Variants in NTM observed in about 807,000 individuals in gnomAD.
NTM encodes IgLON family member 2.
A neutral mutation model predicts 42.1 loss-of-function variants in NTM; 13 were observed. That is an observed-to-expected ratio of 0.31 (90% confidence interval 0.20 to 0.49). The LOEUF (loss-of-function observed/expected upper bound fraction) is 0.49. Ranked by LOEUF, NTM falls within the 20% of genes least tolerant of loss-of-function variation. The probability of loss-of-function intolerance (pLI) is 0.99; values close to 1 mark genes in which losing one functional copy is unlikely to be tolerated. For missense variants in NTM, 373 were observed against 452.8 expected (o/e 0.82, Z 1.60); for synonymous variants, 187 against 179.2 (o/e 1.04, Z -0.35).
intron 2 of NTM, among the ~76,000 whole-genome samples, chr11:132,020,197 A>G (rs1476187702): frequency 2.0e-5 from 3 of 152,112 alleles, no homozygotes; most frequent in Non-Finnish European, 4.4e-5. Context: ...GTAGTATTCC[A>G]TGGTTTATAT....
intron 4 of NTM, among the ~76,000 whole-genome samples, chr11:132,213,639 A>G (rs2083280165): frequency 6.6e-6 from 1 of 152,044 alleles, no homozygotes; most frequent in African/African-American, 2.4e-5. Flanking sequence ...CTAGACAGTG[A>G]CAGTTGGCCC....
chr11:131,835,172 A>G (rs2043330644), intron 1 of NTM, among the ~76,000 whole-genome samples: 1 of 152,166 alleles, frequency 6.6e-6, no homozygotes, highest in Non-Finnish European at 1.5e-5. Context: ...CCAAGATTTA[A>G]CATATGTATT....
chr11:132,222,240 CTT>C (rs1469134962), intron 4 of NTM, among the ~76,000 whole-genome samples: 1 of 152,176 alleles, frequency 6.6e-6, no homozygotes, highest in Non-Finnish European at 1.5e-5. Context: ...CTGAGTCAAC[CTT>C]TCTCTTTCCT....
At position 131,464,572 on chromosome 11, in the gene NTM, T is replaced by C. The variant is rs561414413; in HGVS notation, c.82+93684T>C. On this transcript the variant is annotated intron_variant, in intron 1 of 8. Transcript: ENST00000683400. ...CTCTTCCTTTTCACTCTCCTTTTCCTTACTGCCCCCTCCCCAACTCCCAAT... is the reference window on the plus strand; with the variant it reads ...CTCTTCCTTTTCACTCTCCTTTTCCCTACTGCCCCCTCCCCAACTCCCAAT... Among the ~76,000 whole-genome samples, 7 of 152,258 alleles carry C rather than the reference T, an allele frequency of 4.6e-5. 1 individual carries two copies. In the South Asian group the frequency reaches 1.5e-3, roughly 32 times the overall value.
At chr11:131,849,885 T>A (rs927867383) in intron 1 of NTM, among the ~76,000 whole-genome samples, 4 of 151,160 alleles carry the variant, frequency 2.6e-5, no homozygotes, top group African/African-American at 4.9e-5. Context: ...GACGAGTTAA[T>A]GGGTGCAGCA....
intron 1 of NTM, among the ~76,000 whole-genome samples, chr11:131,487,860 G>A (rs990836070): frequency 6.6e-6 from 1 of 152,214 alleles, no homozygotes; most frequent in Non-Finnish European, 1.5e-5. Context: ...CTGGAGAAGG[G>A]ACGGAATGGG....
At chr11:132,074,923 C>T (rs533893692) in intron 2 of NTM, among the ~76,000 whole-genome samples, 5 of 152,212 alleles carry the variant, frequency 3.3e-5, no homozygotes, top group Non-Finnish European at 7.4e-5. Flanking sequence ...ATCTGATCAC[C>T]ATAAGTTGTA....
intron 4 of NTM, among the ~76,000 whole-genome samples, chr11:132,225,345 G>A (rs562522969): frequency 2.0e-4 from 30 of 152,108 alleles, no homozygotes; most frequent in South Asian, 1.2e-3. Flanking sequence ...AAAGCCAGGA[G>A]GAGCTGCTTT....
intron 1 of NTM, among the ~76,000 whole-genome samples, chr11:131,672,836 C>T (rs57293499): frequency 1.6e-5 from 2 of 123,164 alleles, no homozygotes; most frequent in Admixed American, 8.2e-5. Context: ...GAGAAGACCA[C>T]GGTGCCGGGG....
intron 1 of NTM, among the ~76,000 whole-genome samples, chr11:131,910,531 C>T (rs2054622315): frequency 6.6e-6 from 1 of 151,344 alleles, no homozygotes; most frequent in Non-Finnish European, 1.5e-5. Context: ...CGCCCGCTCG[C>T]TCCGAGGCGG....
intron 2 of NTM, among the ~76,000 whole-genome samples, chr11:131,966,413 A>G (rs915701897): frequency 1.3e-5 from 2 of 152,218 alleles, no homozygotes; most frequent in African/African-American, 4.8e-5. Context: ...AGTCTACAGT[A>G]TGCAAAAGGT....
chr11:131,508,992 A>T, intron 1 of NTM, among the ~76,000 whole-genome samples: 1 of 151,900 alleles, frequency 6.6e-6, no homozygotes, highest in Non-Finnish European at 1.5e-5. Flanking sequence ...ATATGTAACT[A>T]ACCTGCACAA....
At chr11:132,096,996 G>T (rs2061082467) in intron 2 of NTM, among the ~76,000 whole-genome samples, 2 of 152,176 alleles carry the variant, frequency 1.3e-5, no homozygotes, top group Non-Finnish European at 2.9e-5. Flanking sequence ...AGCTTCCCAT[G>T]ATATGACTAT....
At chr11:132,262,886 C>T (rs1259779769) in intron 4 of NTM, among the ~76,000 whole-genome samples, 1 of 152,128 alleles carries the variant, frequency 6.6e-6, no homozygotes, top group Non-Finnish European at 1.5e-5. Context: ...AGGTGTGAGA[C>T]AAAATTTCTT....
chr11:131,918,331 C>T (rs1185066641), intron 2 of NTM, among the ~76,000 whole-genome samples: 5 of 152,192 alleles, frequency 3.3e-5, no homozygotes, highest in Non-Finnish European at 4.4e-5. Flanking sequence ...ACCGTATTCT[C>T]TCCTGACTGC....
At chr11:131,667,657 C>T (rs973240128) in intron 1 of NTM, among the ~76,000 whole-genome samples, 6 of 152,184 alleles carry the variant, frequency 3.9e-5, no homozygotes, top group African/African-American at 1.4e-4. Context: ...AGTGTTCAGC[C>T]TCGTGCTTCT....
intron 1 of NTM, among the ~76,000 whole-genome samples, chr11:131,424,587 TTTCTTTTCTTTTC>T (rs1482824761): frequency 1.7e-5 from 2 of 117,734 alleles, no homozygotes; most frequent in Admixed American, 2.0e-4. Flanking sequence ...TTGTTTTTTA[TTTCTTTTCTTTTC>T]TTTTTTTTTT....
intron 4 of NTM, among the ~76,000 whole-genome samples, chr11:132,281,783 T>C (rs1415651002): frequency 1.3e-5 from 2 of 152,224 alleles, no homozygotes; most frequent in Non-Finnish European, 2.9e-5. Context: ...CGTTCAGGAA[T>C]ATAGCCTTGT....
intron 1 of NTM, among the ~76,000 whole-genome samples, chr11:131,594,789 G>A (rs1182194324): frequency 3.9e-5 from 6 of 152,160 alleles, no homozygotes; most frequent in African/African-American, 1.4e-4. Flanking sequence ...AATGAGCTCT[G>A]GCTTGTTCAC....
Sources: gnomAD v4.1 joint callset for allele counts (sites outside exome capture counted in the v4.1 genomes callset) on GRCh38, gnomAD v4.1.1 for gene constraint, MANE v1.5 for transcripts, NCBI Gene and HGNC (gene_info 2026-07-23, HGNC 2026-07-21) for gene names.